The following ZNF521 variants were observed in gnomAD, a reference collection of about 807,000 sequenced individuals.
The protein encoded by ZNF521 is LYST-interacting protein 3.
In ZNF521, 14 loss-of-function variants were observed where a neutral mutation model predicts 105.5. The ratio of observed to expected loss-of-function variants is 0.13; its 90% CI spans 0.09 to 0.21. The LOEUF (loss-of-function observed/expected upper bound fraction) is 0.21, where lower values mean the gene tolerates loss of function less well. Ranked by LOEUF, ZNF521 falls within the 10% of genes least tolerant of loss-of-function variation. The probability of loss-of-function intolerance (pLI) is 1.00; values close to 1 mark genes in which losing one functional copy is unlikely to be tolerated. For synonymous variants in ZNF521, 635 were observed against 606.0 expected (o/e 1.05, Z -0.70); for missense variants, 1,233 against 1,629.7 (o/e 0.76, Z 4.19).
At chr18:25,191,590 TA>T (rs2035819599) in intron 5 of ZNF521, among the ~76,000 whole-genome samples, 1 of 152,162 alleles carries the variant, frequency 6.6e-6, no homozygotes, top group Non-Finnish European at 1.5e-5. Flanking sequence ...TCTTTCTAAC[TA>T]AAATAGATAA....
intron 5 of ZNF521, among the ~76,000 whole-genome samples, chr18:25,120,683 C>G (rs929908430): frequency 6.6e-6 from 1 of 151,092 alleles, no homozygotes; most frequent in Non-Finnish European, 1.5e-5. Context: ...CATGAGTATA[C>G]TAAAAGGGAC....
chr18:25,307,426 G>C (rs767209618), intron 3 of ZNF521, among the ~76,000 whole-genome samples: 5 of 152,156 alleles, frequency 3.3e-5, no homozygotes, highest in Non-Finnish European at 7.4e-5. Flanking sequence ...GAGAATCCCT[G>C]CTAACTCAAC....
intron 3 of ZNF521, among the ~76,000 whole-genome samples, chr18:25,260,566 C>A (rs1400403768): frequency 6.6e-6 from 1 of 152,106 alleles, no homozygotes; most frequent in Non-Finnish European, 1.5e-5. Flanking sequence ...TGTATTATAT[C>A]TAGCACATAG....
At chr18:25,076,648 A>T (rs1295414116) in intron 7 of ZNF521, among the ~76,000 whole-genome samples, 1 of 152,234 alleles carries the variant, frequency 6.6e-6, no homozygotes, top group Non-Finnish European at 1.5e-5. Flanking sequence ...TTATTATATA[A>T]TAAAATATGG....
chr18:25,337,005 ATTTAATAAC>A (rs1913929986), intron 2 of ZNF521, among the ~76,000 whole-genome samples: 1 of 152,244 alleles, frequency 6.6e-6, no homozygotes, highest in South Asian at 2.1e-4. Context: ...GTACAAGGTG[ATTTAATAAC>A]TTTCCCAAGG....
At chr18:25,077,525 C>G (rs2033390995) in intron 7 of ZNF521, among the ~76,000 whole-genome samples, 2 of 130,262 alleles carry the variant, frequency 1.5e-5, no homozygotes, top group African/African-American at 3.5e-5. Context: ...TGCCTTTCTC[C>G]TCTTATGTTT....
At chr18:25,084,136 C>A (rs1289354444) in intron 7 of ZNF521, among the ~76,000 whole-genome samples, 2 of 151,646 alleles carry the variant, frequency 1.3e-5, no homozygotes, top group African/African-American at 2.4e-5. Context: ...GGGACTATAG[C>A]AGTATGTAAT....
chr18:25,281,948 C>T (rs975123575), intron 3 of ZNF521, among the ~76,000 whole-genome samples: 11 of 152,070 alleles, frequency 7.2e-5, no homozygotes, highest in Non-Finnish European at 1.5e-4. Flanking sequence ...AAAAAAAATC[C>T]TCTCATATTC....
At chr18:25,122,886 GACATGA>G (rs2034469364) in intron 5 of ZNF521, among the ~76,000 whole-genome samples, 2 of 152,212 alleles carry the variant, frequency 1.3e-5, no homozygotes, top group African/African-American at 4.8e-5. Context: ...TACAGAATGG[GACATGA>G]AACTTGGTCC....
chr18:25,083,385 G>A (rs1226941397), intron 7 of ZNF521, among the ~76,000 whole-genome samples: 1 of 152,196 alleles, frequency 6.6e-6, no homozygotes, highest in African/African-American at 2.4e-5. Flanking sequence ...TATGTCTGAG[G>A]TAGAGATTTT....
intron 4 of ZNF521, among the ~76,000 whole-genome samples, chr18:25,199,721 T>A (rs2035960190): frequency 6.6e-6 from 1 of 152,086 alleles, no homozygotes; most frequent in Non-Finnish European, 1.5e-5. Flanking sequence ...CATGTAGTTT[T>A]TAGAAGCTCA....
intron 5 of ZNF521, among the ~76,000 whole-genome samples, chr18:25,116,858 C>CAT (rs1259960636): frequency 3.1e-5 from 4 of 128,400 alleles, no homozygotes; most frequent in African/African-American, 1.2e-4. Context: ...AAATCTGTTA[C>CAT]ATATATATAT....
chr18:25,157,229 A>G (rs557516981), intron 5 of ZNF521, among the ~76,000 whole-genome samples: 1 of 152,050 alleles, frequency 6.6e-6, no homozygotes, highest in African/African-American at 2.4e-5. Context: ...GCAAATAATC[A>G]ATCTCACTAA....
At chr18:25,116,994 CATATATATACATACACACACACACAT>C (rs2034332753) in intron 5 of ZNF521, among the ~76,000 whole-genome samples, 8 of 135,566 alleles carry the variant, frequency 5.9e-5, no homozygotes, top group African/African-American at 2.4e-4. Flanking sequence ...TACACACACA[CATATATATACATACACACACACACAT>C]ATATATATAC....
At chr18:25,259,940 G>T (rs1215993028) in intron 3 of ZNF521, among the ~76,000 whole-genome samples, 1 of 152,216 alleles carries the variant, frequency 6.6e-6, no homozygotes, top group Non-Finnish European at 1.5e-5. Flanking sequence ...TGCTTGGTCA[G>T]TTCAAGGAAT....
At chr18:25,179,077 A>AATGTATTTCTC (rs111758006) in intron 5 of ZNF521, among the ~76,000 whole-genome samples, 3 of 132,040 alleles carry the variant, frequency 2.3e-5, no homozygotes, top group Non-Finnish European at 5.0e-5. Flanking sequence ...AACCCTTTGA[A>AATGTATTTCTC]ATGTATTTCT....
intron 5 of ZNF521, among the ~76,000 whole-genome samples, chr18:25,106,311 T>C (rs180745513): frequency 1.3e-5 from 2 of 152,268 alleles, no homozygotes; most frequent in African/African-American, 4.8e-5. Flanking sequence ...CTTACTGAGT[T>C]GATTTGGAAA....
intron 3 of ZNF521, among the ~76,000 whole-genome samples, chr18:25,256,012 A>AT (rs1908470373): frequency 6.8e-6 from 1 of 147,874 alleles, no homozygotes; most frequent in African/African-American, 2.5e-5. Flanking sequence ...TATATATGAT[A>AT]TATATATGGT....
At position 25,189,243 on chromosome 18, in the gene ZNF521, GC is replaced by G. The variant is rs369013496; in HGVS notation, c.3658+5916del. On this transcript the variant is annotated intron_variant, in intron 5 of 7. Coordinates refer to ENST00000361524, the MANE Select transcript of ZNF521 (RefSeq NM_015461.3). ...TATGGAGCCTTGGTACGTTCCTGTG[GC>G]CCCCTCTTTGCACTTGGTAAGCAGT... is the stretch of plus-strand genomic sequence containing the variant. Among the ~76,000 whole-genome samples the G allele has an allele frequency of 3.8e-3, 578 of 152,140 alleles. 7 individuals carry two copies. Among genetic ancestry groups the G allele is most frequent in the South Asian group, 0.022 (104 of 4,816 alleles).
Sources: allele counts gnomAD v4.1 joint callset (sites outside exome capture counted in the v4.1 genomes callset), GRCh38; gene constraint gnomAD v4.1.1; transcripts MANE v1.5; gene names NCBI Gene and HGNC (gene_info 2026-07-23, HGNC 2026-07-21).